The following ATRNL1 variants were observed in gnomAD, a reference collection of about 807,000 sequenced individuals.
ATRNL1 encodes the protein attractin-like protein 1.
In ATRNL1, 95 loss-of-function variants were observed where a neutral mutation model predicts 182.7. The ratio of observed to expected loss-of-function variants is 0.52; its 90% CI spans 0.44 to 0.62. The LOEUF is 0.62. ATRNL1 is among the 20% of genes least tolerant of loss of function. ATRNL1 has a pLI of 0.00. For missense variants in ATRNL1, 1,471 were observed against 1,679.5 expected (o/e 0.88, Z 2.17); for synonymous variants, 576 against 568.3 (o/e 1.01, Z -0.19).
chr10:115,274,006 A>G lies in ATRNL1; in HGVS notation c.2100+5562A>G, dbSNP rs377216486. On this transcript the variant is annotated intron_variant, in intron 13 of 28. Coordinates refer to ENST00000355044, the MANE Select transcript of ATRNL1 (RefSeq NM_207303.4). ...ACCCATGGTTAAACATTCAGTTTCTATTAAGGCCCAGTAGCAGACTAAGAG... is the reference window on the plus strand; with the variant it reads ...ACCCATGGTTAAACATTCAGTTTCTGTTAAGGCCCAGTAGCAGACTAAGAG... Among the ~76,000 whole-genome samples, 123 of 152,340 alleles carry G rather than the reference A, an allele frequency of 8.1e-4. 2 individuals carry two copies. In the South Asian group the frequency reaches 0.025, roughly 31 times the overall value.
At position 115,847,111 on chromosome 10, in the gene ATRNL1, A is replaced by G. The variant is rs183220036; in HGVS notation, c.3904-766A>G. On this transcript the variant is annotated intron_variant, in intron 27 of 28. Coordinates refer to ENST00000355044, the MANE Select transcript of ATRNL1 (RefSeq NM_207303.4). The stretch of plus-strand genomic sequence containing the variant: ...AGTAAGTAGGTATTTCACTAAAACA[A>G]TATTAAAGATATGCCAACCTGATCT... Among the ~76,000 whole-genome samples, 1,114 of 152,180 alleles carry G rather than the reference A, an allele frequency of 7.3e-3. 13 individuals are homozygous for G. Among genetic ancestry groups the G allele is most frequent in the Non-Finnish European group, 0.01 (700 of 67,988 alleles).
chr10:115,808,100 TTAAG>T (rs1949964063), intron 27 of ATRNL1, among the ~76,000 whole-genome samples: 1 of 152,206 alleles, frequency 6.6e-6, no homozygotes, highest in South Asian at 2.1e-4. Flanking sequence ...TTATTTTTCA[TTAAG>T]TAACAATAAG....
intron 26 of ATRNL1, among the ~76,000 whole-genome samples, chr10:115,694,923 A>G (rs1946507020): frequency 8.4e-6 from 1 of 119,452 alleles, no homozygotes; most frequent in Non-Finnish European, 1.7e-5. Context: ...ACACACACAC[A>G]CACACACATG....
chr10:115,520,432 A>G (rs782469213), intron 25 of ATRNL1, among the ~76,000 whole-genome samples: 3 of 152,218 alleles, frequency 2.0e-5, no homozygotes, highest in Non-Finnish European at 2.9e-5. Flanking sequence ...GCATCTATGC[A>G]ACTTTTCTGC....
chr10:115,552,747 T>A (rs956959372), intron 26 of ATRNL1, among the ~76,000 whole-genome samples: 1 of 151,186 alleles, frequency 6.6e-6, no homozygotes, highest in African/African-American at 2.4e-5. Context: ...AAAATGAAAC[T>A]ACACACAAAA....
chr10:115,300,469 G>A (rs1179058293), intron 16 of ATRNL1, among the ~76,000 whole-genome samples: 2 of 152,060 alleles, frequency 1.3e-5, no homozygotes, highest in Non-Finnish European at 2.9e-5. Context: ...GTGAGATTGT[G>A]GTTGTAGTTA....
chr10:115,927,351 T>A (rs782300871), intron 28 of ATRNL1, among the ~76,000 whole-genome samples: 12 of 152,132 alleles, frequency 7.9e-5, no homozygotes, highest in Non-Finnish European at 1.5e-4. Flanking sequence ...CTGGTAGAAT[T>A]CTATTTCATT....
chr10:115,778,923 G>C (rs1555078594), intron 27 of ATRNL1, among the ~76,000 whole-genome samples: 1 of 152,194 alleles, frequency 6.6e-6, no homozygotes, highest in African/African-American at 2.4e-5. Flanking sequence ...TCAGTATCAA[G>C]AGCAACAGGA....
At chr10:115,330,945 C>G (rs925223976) in intron 18 of ATRNL1, among the ~76,000 whole-genome samples, 3 of 151,830 alleles carry the variant, frequency 2.0e-5, no homozygotes, top group South Asian at 2.1e-4. Context: ...TTTCATAGAA[C>G]CTCTGTGTTT....
intron 19 of ATRNL1, among the ~76,000 whole-genome samples, chr10:115,355,394 G>A (rs1184849353): frequency 1.3e-5 from 2 of 152,038 alleles, no homozygotes; most frequent in African/African-American, 4.8e-5. Context: ...CTGTACTCTT[G>A]CAGACTCTAG....
intron 23 of ATRNL1, 86 bp from the exon 24 acceptor site, chr10:115,469,086 G>A: frequency 2.3e-6 from 1 of 442,214 alleles, no homozygotes; most frequent in Non-Finnish European, 3.7e-6. Flanking sequence ...ATTTTTATAA[G>A]AGCAATTATA....
intron 1 of ATRNL1, among the ~76,000 whole-genome samples, chr10:115,109,248 C>T (rs1592110501): frequency 6.6e-6 from 1 of 152,002 alleles, no homozygotes; most frequent in South Asian, 2.1e-4. Flanking sequence ...AAGCAGTGTT[C>T]TATGCTTCAA....
intron 24 of ATRNL1, among the ~76,000 whole-genome samples, chr10:115,485,843 A>G (rs1848993779): frequency 6.6e-6 from 1 of 152,002 alleles, no homozygotes; most frequent in Non-Finnish European, 1.5e-5. Context: ...TGCTGCACCC[A>G]TCAACCTGTT....
intron 17 of ATRNL1, among the ~76,000 whole-genome samples, chr10:115,305,149 A>G (rs910492979): frequency 6.6e-6 from 1 of 151,526 alleles, no homozygotes; most frequent in South Asian, 2.1e-4. Context: ...TCATCTTCCC[A>G]TTTAGAGGTA....
chr10:115,127,133 C>T (rs1479230891), intron 3 of ATRNL1, among the ~76,000 whole-genome samples: 1 of 152,102 alleles, frequency 6.6e-6, no homozygotes, highest in Non-Finnish European at 1.5e-5. Flanking sequence ...ACAGCTATAA[C>T]TAGAATGTAA....
intron 26 of ATRNL1, among the ~76,000 whole-genome samples, chr10:115,649,494 T>C (rs958021599): frequency 6.6e-6 from 1 of 152,222 alleles, no homozygotes; most frequent in Admixed American, 6.5e-5. Flanking sequence ...TTGTTAGGTA[T>C]GTTAGAGCAT....
At chr10:115,741,380 A>G (rs1948135424) in intron 27 of ATRNL1, among the ~76,000 whole-genome samples, 1 of 152,084 alleles carries the variant, frequency 6.6e-6, no homozygotes, top group South Asian at 2.1e-4. Flanking sequence ...CCAAGTTGAG[A>G]GAGCAAGGTG....
In ATRNL1 at chr10:115,945,866, G is replaced by A. The variant is rs1228667217; in HGVS notation, c.*1087G>A. On this transcript the variant is annotated 3_prime_UTR_variant, in exon 29 of 29. Coordinates refer to ENST00000355044, the MANE Select transcript of ATRNL1 (RefSeq NM_207303.4). Reference sequence around the variant, plus strand: ...TCAACAGGAGTCTTCTTCCCAACACGAGCGCATCCATGTCCTGAGAAAAAG... The same window carrying A: ...TCAACAGGAGTCTTCTTCCCAACACAAGCGCATCCATGTCCTGAGAAAAAG... 6.6e-5 allele frequency: 10 copies of A among 152,008 alleles called. No homozygotes were observed. The highest frequency in any genetic ancestry group is 2.2e-4 in the African/African-American group (9 of 41,372). 9.4% of individuals were successfully genotyped at this position (152,008 alleles called of 1,614,324 possible).
chr10:115,842,236 G>C (rs1219850012), intron 27 of ATRNL1, among the ~76,000 whole-genome samples: 5 of 151,916 alleles, frequency 3.3e-5, no homozygotes, highest in African/African-American at 1.2e-4. Flanking sequence ...TTAATTCCTT[G>C]ATTCAATTTT....
Sources: allele counts gnomAD v4.1 joint callset (sites outside exome capture counted in the v4.1 genomes callset), GRCh38; gene constraint gnomAD v4.1.1; transcripts MANE v1.5; gene names NCBI Gene and HGNC (gene_info 2026-07-23, HGNC 2026-07-21).